ABCA13: variants seen among roughly 807,000 people sequenced by gnomAD.
The protein encoded by ABCA13 is ATP-binding cassette sub-family A member 13.
In ABCA13, 476 loss-of-function variants were observed where a neutral mutation model predicts 478.7. The observed-to-expected ratio is 0.99, with a 90% confidence interval of 0.92 to 1.07. The LOEUF is 1.07. Ranked by LOEUF, ABCA13 falls within the 50% of genes least tolerant of loss-of-function variation. ABCA13 has a pLI of 0.00. For synonymous variants in ABCA13, 2,252 were observed against 2,158.9 expected, an observed-to-expected ratio of 1.04 and a Z score of -1.20; for missense variants, 6,060 against 5,910.6, an observed-to-expected ratio of 1.03 and a Z score of -0.83.
At chr7:48,523,521 T>C (rs2130996815) in intron 53 of ABCA13, among the ~76,000 whole-genome samples, 1 of 152,060 alleles carries the variant, frequency 6.6e-6, no homozygotes, top group African/African-American at 2.4e-5. Flanking sequence ...GTAATTGATG[T>C]TGGTTATGAT....
chr7:48,422,292 C>T (rs1820877942), intron 41 of ABCA13, among the ~76,000 whole-genome samples: 1 of 151,882 alleles, frequency 6.6e-6, no homozygotes, highest in South Asian at 2.1e-4. Flanking sequence ...AGAACAGTCT[C>T]ATGGTCTAAG....
At chr7:48,637,811 T>C (rs115327147) in intron 59 of ABCA13, among the ~76,000 whole-genome samples, 2,390 of 152,288 alleles carry the variant, frequency 0.016, 53 homozygotes, top group African/African-American at 0.053. Flanking sequence ...TTTTGCTGTT[T>C]AGTTAAGAAG....
At chr7:48,636,008 T>C (rs781518601) in intron 59 of ABCA13, among the ~76,000 whole-genome samples, 15 of 152,208 alleles carry the variant, frequency 9.9e-5, no homozygotes, top group Non-Finnish European at 2.1e-4. Flanking sequence ...CATCTATTTA[T>C]ATCTATTTCA....
At chr7:48,591,638 T>C (rs763855860) in intron 57 of ABCA13, among the ~76,000 whole-genome samples, 7 of 152,000 alleles carry the variant, frequency 4.6e-5, no homozygotes, top group Non-Finnish European at 8.8e-5. Context: ...TTGTCTTCAA[T>C]TTCTTTAATC....
chr7:48,240,167 C>T (rs1044591562), intron 9 of ABCA13, among the ~76,000 whole-genome samples: 2 of 152,218 alleles, frequency 1.3e-5, no homozygotes, highest in African/African-American at 4.8e-5. Flanking sequence ...GTAGATAAAA[C>T]ATCCTTAAAA....
chr7:48,627,250 A>G (rs1056160483), intron 59 of ABCA13, among the ~76,000 whole-genome samples: 22 of 152,170 alleles, frequency 1.4e-4, no homozygotes, highest in African/African-American at 5.3e-4. Context: ...CAATTTCTTG[A>G]CTCTAAGTTT....
intron 41 of ABCA13, among the ~76,000 whole-genome samples, chr7:48,426,302 T>C (rs1403340509): frequency 6.6e-6 from 1 of 152,226 alleles, no homozygotes; most frequent in African/African-American, 2.4e-5. Flanking sequence ...TAGGATTCCA[T>C]GCAAACTAAT....
chr7:48,198,322 G>A lies in ABCA13; in HGVS notation c.249G>A (p.Arg83=), dbSNP rs201228394. ...SLLCNTGSRC[R]NFSYEGSMEH... is the part of the protein sequence containing the mutation. ...TTTGTAACACTGGATCAAGGTGTAG[G>A]AACTTCAGCTATGAAGGGTCAATGG... Residue 83 remains arginine, a synonymous_variant, in exon 3 of 62, where the codon AGG becomes AGA. Coordinates refer to ENST00000435803, the MANE Select transcript of ABCA13 (RefSeq NM_152701.5). 7.8e-4 allele frequency: 1,255 copies of A among 1,613,680 alleles called. No individual in the cohort carries two copies. Among genetic ancestry groups the A allele is most frequent in the Non-Finnish European group, 1.0e-3 (1,203 of 1,179,842 alleles).
rs751148317 is a variant in ABCA13, at chr7:48,646,516, T to C, written c.*1004T>C. The C allele has an allele frequency of 6.8e-6, 1 of 146,196 alleles. No individual in the cohort carries two copies. Among genetic ancestry groups the C allele is most frequent in the South Asian group, 2.2e-4 (1 of 4,584 alleles). 9.1% of individuals were successfully genotyped at this position (146,196 alleles called of 1,614,324 possible). A position where few individuals can be genotyped will look rare whatever the true frequency, so the allele number is the denominator to read the frequency against. On this transcript the variant is annotated 3_prime_UTR_variant, in exon 62 of 62. Coordinates refer to ENST00000435803, the MANE Select transcript of ABCA13 (RefSeq NM_152701.5). Reference sequence around the variant, plus strand: ...AATCTGCATAGTATGTAGTCTTTTTTATTTATTTATTTTTTTTTTTTGAGG... The same window carrying C: ...AATCTGCATAGTATGTAGTCTTTTTCATTTATTTATTTTTTTTTTTTGAGG...
intron 15 of ABCA13, among the ~76,000 whole-genome samples, chr7:48,261,037 G>T (rs1339410512): frequency 1.3e-5 from 2 of 151,538 alleles, no homozygotes; most frequent in Non-Finnish European, 3.0e-5. Flanking sequence ...AATTTAGTTG[G>T]GCATAAAAAC....
At chr7:48,472,859 T>C (rs1827655620) in intron 45 of ABCA13, among the ~76,000 whole-genome samples, 1 of 152,174 alleles carries the variant, frequency 6.6e-6, no homozygotes. Flanking sequence ...CTACTGTGCA[T>C]GCATTAGGGG....
At chr7:48,481,519 G>A (rs1356489374) in intron 46 of ABCA13, among the ~76,000 whole-genome samples, 4 of 151,794 alleles carry the variant, frequency 2.6e-5, no homozygotes, top group African/African-American at 9.7e-5. Context: ...GTCAGTGGCA[G>A]AAGCACGAGA....
chr7:48,526,583 A>G (rs1832904841), intron 54 of ABCA13, among the ~76,000 whole-genome samples: 1 of 152,154 alleles, frequency 6.6e-6, no homozygotes, highest in African/African-American at 2.4e-5. Flanking sequence ...ACTTTCACAA[A>G]CCTACATGGT....
At chr7:48,203,444 G>A (rs1388996105) in intron 3 of ABCA13, among the ~76,000 whole-genome samples, 1 of 152,250 alleles carries the variant, frequency 6.6e-6, no homozygotes, top group African/African-American at 2.4e-5. Context: ...GAGCAAGCGA[G>A]GGCTGTGAGG....
At chr7:48,401,670 G>A (rs1433846074) in intron 38 of ABCA13, among the ~76,000 whole-genome samples, 1 of 151,062 alleles carries the variant, frequency 6.6e-6, no homozygotes, top group Non-Finnish European at 1.5e-5. Flanking sequence ...AAATACACAT[G>A]AATGAAATAC....
chr7:48,471,560 CT>C lies in ABCA13; in HGVS notation c.12940del (p.Ser4314LeufsTer12). 1.9e-6 allele frequency: 3 copies of C among 1,563,976 alleles called. No individual in the cohort carries two copies. Among genetic ancestry groups the C allele is most frequent in the Non-Finnish European group, 2.6e-6 (3 of 1,152,114 alleles). ...KNSSCWRTDP[F>X]SHPEFQDSCG... ...ATTCTTCATGCTGGCGCACAGATCC[CT>C]TTTCTCACCCAGAATTCCAGGATTC... On this transcript the variant is annotated frameshift_variant, in exon 45 of 62. Coordinates refer to ENST00000435803, the MANE Select transcript of ABCA13 (RefSeq NM_152701.5). LOFTEE classifies it high-confidence loss of function.
At chr7:48,369,326 C>T (rs1218183529) in intron 32 of ABCA13, among the ~76,000 whole-genome samples, 1 of 152,098 alleles carries the variant, frequency 6.6e-6, no homozygotes, top group Non-Finnish European at 1.5e-5. Context: ...AGATTTTCTC[C>T]TGCTCTGTGG....
At chr7:48,238,312 G>A (rs1030750769) in intron 8 of ABCA13, among the ~76,000 whole-genome samples, 1 of 152,042 alleles carries the variant, frequency 6.6e-6, no homozygotes, top group Non-Finnish European at 1.5e-5. Context: ...ATTTTGGCGG[G>A]GAGGCCACAA....
chr7:48,341,812 G>GAT (rs770333822), intron 29 of ABCA13, among the ~76,000 whole-genome samples: 18 of 48,396 alleles, frequency 3.7e-4, no homozygotes, highest in African/African-American at 9.6e-4. Context: ...TTTCTTTTCT[G>GAT]ATATATATAT....
Sources: allele counts gnomAD v4.1 joint callset (sites outside exome capture counted in the v4.1 genomes callset), GRCh38; gene constraint gnomAD v4.1.1; transcripts MANE v1.5; gene names NCBI Gene and HGNC (gene_info 2026-07-23, HGNC 2026-07-21).